BACH2: variants seen among roughly 807,000 people sequenced by gnomAD.
BACH2 encodes the protein transcription regulator protein BACH2.
A neutral mutation model predicts 61.8 loss-of-function variants in BACH2; 5 were observed. The ratio of observed to expected loss-of-function variants is 0.08; its 90% CI spans 0.04 to 0.17. The LOEUF is 0.17. BACH2 is among the 10% of genes least tolerant of loss of function. The pLI is 1.00. For missense variants in BACH2, 824 were observed against 1,091.1 expected (o/e 0.76, Z 3.45); for synonymous variants, 446 against 440.1 (o/e 1.01, Z -0.17).
At chr6:89,934,658 CA>C (rs998523391) in intron 8 of BACH2, among the ~76,000 whole-genome samples, 1 of 148,914 alleles carries the variant, frequency 6.7e-6, no homozygotes, top group African/African-American at 2.5e-5. Flanking sequence ...GACTTTGTCT[CA>C]AAAAAAAGAA....
chr6:90,022,510 G>C (rs1224918936), intron 5 of BACH2, among the ~76,000 whole-genome samples: 2 of 152,194 alleles, frequency 1.3e-5, no homozygotes, highest in East Asian at 3.8e-4. Flanking sequence ...CTTGAACCCA[G>C]GAGGCAAAGG....
Position 89,929,594 on chromosome 6 carries a change from A to T in BACH2, c.*2814T>A, listed in dbSNP as rs45593645. 0.068 allele frequency: 10,222 copies of T among 149,538 alleles called. 405 individuals carry two copies. Among genetic ancestry groups the T allele is most frequent in the Non-Finnish European group, 0.089 (5,957 of 67,170 alleles). 9.3% of individuals were successfully genotyped at this position (149,538 alleles called of 1,614,324 possible). A position where few individuals can be genotyped will look rare whatever the true frequency, so the allele number is the denominator to read the frequency against. On this transcript the variant is annotated 3_prime_UTR_variant, in exon 9 of 9. Coordinates refer to ENST00000257749, the MANE Select transcript of BACH2 (RefSeq NM_021813.4). ...TTAACCAGTTCCCATGGCAGAAGTT[A>T]GGTTGGGGGAAGAGGAAGAAAAGCA... is the stretch of plus-strand genomic sequence containing the variant.
At chr6:89,946,426 A>G (rs990253947) in intron 7 of BACH2, among the ~76,000 whole-genome samples, 2 of 152,214 alleles carry the variant, frequency 1.3e-5, no homozygotes, top group Non-Finnish European at 1.5e-5. Flanking sequence ...AGTATTTAAT[A>G]AATGGGCACA....
chr6:90,165,561 C>A lies in BACH2; in HGVS notation c.-162+41008G>T, dbSNP rs9362723. ...TCACAGAATTGGAAAAAACTACTTTCAAGTTCATATGGAACCAAAAAAGAG... is the reference window on the plus strand; with the variant it reads ...TCACAGAATTGGAAAAAACTACTTTAAAGTTCATATGGAACCAAAAAAGAG... On this transcript the variant is annotated intron_variant, in intron 4 of 8. Transcript: ENST00000257749. 3.9e-3 allele frequency among the ~76,000 whole-genome samples: 597 copies of A among 151,862 alleles called. 9 individuals carry two copies. Among genetic ancestry groups the A allele is most frequent in the South Asian group, 0.033 (158 of 4,790 alleles).
chr6:90,237,012 C>T (rs1360115876), intron 3 of BACH2, among the ~76,000 whole-genome samples: 1 of 152,144 alleles, frequency 6.6e-6, no homozygotes, highest in East Asian at 1.9e-4. Context: ...CAACCTCCAC[C>T]TCCCAGGTTC....
rs71298713 is a variant in BACH2, at chr6:89,939,656, C to CTTT, written c.1837-1309_1837-1307dup. Among the ~76,000 whole-genome samples, 36 of 82,614 alleles carry CTTT rather than the reference C, an allele frequency of 4.4e-4. 3 individuals carry two copies. The highest frequency in any genetic ancestry group is 1.0e-3 in the South Asian group (2 of 1,930). 54.2% of individuals were successfully genotyped at this position (82,614 alleles called of 152,430 possible). The stretch of plus-strand genomic sequence containing the variant: ...TGTTGTTAAATGATTGCTTATATTT[C>CTTT]TTTTTTTTTTTTTTTTTTTTTTTTT... On this transcript the variant is annotated intron_variant, in intron 7 of 8. Transcript: ENST00000257749.
chr6:90,060,316 C>G (rs1780618980), intron 5 of BACH2, among the ~76,000 whole-genome samples: 1 of 152,134 alleles, frequency 6.6e-6, no homozygotes, highest in Non-Finnish European at 1.5e-5. Flanking sequence ...GCCCTCCAAA[C>G]TTATTAACCT....
At chr6:90,264,220 C>T (rs967008018) in intron 2 of BACH2, among the ~76,000 whole-genome samples, 8 of 152,214 alleles carry the variant, frequency 5.3e-5, no homozygotes, top group Middle Eastern at 3.4e-3. Flanking sequence ...TCAATTAAGA[C>T]TTACTTTATA....
chr6:89,999,225 T>C (rs961747797), intron 6 of BACH2, among the ~76,000 whole-genome samples: 7 of 152,230 alleles, frequency 4.6e-5, no homozygotes, highest in East Asian at 1.9e-4. Flanking sequence ...TGCACTTGTA[T>C]TGGCAAATGA....
At chr6:90,110,463 T>C (rs1448793555) in intron 4 of BACH2, among the ~76,000 whole-genome samples, 1 of 152,266 alleles carries the variant, frequency 6.6e-6, no homozygotes, top group Non-Finnish European at 1.5e-5. Flanking sequence ...TGAGATCTTT[T>C]GAATGTTTCA....
intron 1 of BACH2, among the ~76,000 whole-genome samples, 184 bp downstream of exon 1, chr6:90,296,296 C>G (rs574330897): frequency 1.3e-5 from 2 of 151,692 alleles, no homozygotes; most frequent in East Asian, 2.0e-4. Context: ...CCTTCCCGTT[C>G]CTAGAAAATG....
chr6:90,000,161 C>T (rs1203114532), intron 6 of BACH2, among the ~76,000 whole-genome samples: 4 of 152,178 alleles, frequency 2.6e-5, no homozygotes, highest in Non-Finnish European at 4.4e-5. Context: ...TGTATCAGCA[C>T]CACAGCCTCC....
chr6:90,084,909 C>G (rs1013250580), intron 5 of BACH2, among the ~76,000 whole-genome samples: 1 of 151,950 alleles, frequency 6.6e-6, no homozygotes, highest in Non-Finnish European at 1.5e-5. Context: ...AATTCTAACC[C>G]CTGGTCAGCC....
At chr6:90,149,051 AC>A (rs1306568878) in intron 4 of BACH2, among the ~76,000 whole-genome samples, 1 of 152,318 alleles carries the variant, frequency 6.6e-6, no homozygotes, top group East Asian at 1.9e-4. Context: ...AGAGAGGGAC[AC>A]AGGCTGCTAA....
chr6:90,242,931 G>A (rs974837500), intron 3 of BACH2, among the ~76,000 whole-genome samples: 1 of 151,654 alleles, frequency 6.6e-6, no homozygotes, highest in African/African-American at 2.4e-5. Flanking sequence ...CCAGACTGGA[G>A]TGCAATGGCG....
intron 5 of BACH2, among the ~76,000 whole-genome samples, chr6:90,085,131 G>A (rs1440071852): frequency 6.6e-6 from 1 of 152,152 alleles, no homozygotes; most frequent in East Asian, 1.9e-4. Context: ...ACCTGTCTGT[G>A]ACTTACGGGT....
At chr6:90,087,787 A>C (rs1487360651) in intron 5 of BACH2, among the ~76,000 whole-genome samples, 1 of 151,842 alleles carries the variant, frequency 6.6e-6, no homozygotes, top group South Asian at 2.1e-4. Context: ...TGTGGAGTAC[A>C]TGAGATGTTT....
intron 4 of BACH2, among the ~76,000 whole-genome samples, chr6:90,134,176 T>TC (rs1784197180): frequency 6.6e-6 from 1 of 152,158 alleles, no homozygotes; most frequent in Non-Finnish European, 1.5e-5. Context: ...AGTGTTCCTA[T>TC]TTCTCCACAT....
chr6:90,041,175 T>C (rs1415736904), intron 5 of BACH2, among the ~76,000 whole-genome samples: 1 of 152,186 alleles, frequency 6.6e-6, no homozygotes, highest in African/African-American at 2.4e-5. Flanking sequence ...TCCCTATTAC[T>C]GGGTATATTC....
Sources: allele counts gnomAD v4.1 joint callset (sites outside exome capture counted in the v4.1 genomes callset), GRCh38; gene constraint gnomAD v4.1.1; transcripts MANE v1.5; gene names NCBI Gene and HGNC (gene_info 2026-07-23, HGNC 2026-07-21).